TBC1D10C: variants seen among roughly 807,000 people sequenced by gnomAD.
TBC1D10C encodes TBC1 domain family member 10C, also known as carabin.
TBC1D10C carries 49 observed loss-of-function variants against 51.0 expected under a neutral mutation model. The ratio of observed to expected loss-of-function variants is 0.96; its 90% CI spans 0.76 to 1.22. The LOEUF is 1.22. Among genes scored for constraint, TBC1D10C ranks in the 50% most tolerant of loss-of-function variants. The pLI is 0.00. For missense variants in TBC1D10C, 541 were observed against 617.5 expected (o/e 0.88, Z 1.31); for synonymous variants, 281 against 266.7 (o/e 1.05, Z -0.52).
intron 2 of TBC1D10C, 37 bp from the exon 3 acceptor site, chr11:67,405,362 G>A (rs770059205): frequency 1.9e-6 from 3 of 1,601,038 alleles, no homozygotes; most frequent in Non-Finnish European, 1.7e-6. Context: ...CAGGAGCTAT[G>A]GAGGCTGCCT....
In TBC1D10C at chr11:67,409,495, C is replaced by G. The variant is rs747511276; in HGVS notation, c.1082C>G (p.Pro361Arg). ...CTGCCCGATTCCGCGCCGGGACCCC[C>G]GCCCCGGCCACAGGTCCGCCTCGCC... ...AQLPDSAPGP[P>R]PRPQVRLAGA... The change falls in exon 9 of 9, where the codon CCG becomes CGG. Residue 361 changes from proline (P) to arginine (R), a missense_variant. Coordinates refer to ENST00000542590, the MANE Select transcript of TBC1D10C (RefSeq NM_001369496.1). The G allele has an allele frequency of 6.5e-7, 1 of 1,548,488 alleles. No individual in the cohort carries two copies.
intron 1 of TBC1D10C, 100 bp downstream of exon 1, chr11:67,404,454 T>C (rs1162785561): frequency 3.2e-5 from 41 of 1,300,594 alleles, no homozygotes; most frequent in East Asian, 2.1e-4. Flanking sequence ...GTGGTAGGGA[T>C]TGGGAGGGGG....
rs1395705057 is a variant in TBC1D10C at position 67,409,425 on chromosome 11, T to C, written c.1012T>C (p.Ser338Pro). ...CCCACAGGTGCACAGCGTGGTGCTG[T>C]CAGAGCGGGACCTGCAGCGGGAGAT... The part of the protein sequence containing the change: ...FMSQVHSVVL[S>P]ERDLQREIKA... Residue 338 changes from serine to proline, a missense_variant, in exon 9 of 9, where the codon TCA (serine) becomes CCA (proline). Physicochemically the swap from Ser to Pro is moderately conservative, Grantham distance 74 (BLOSUM62 -1). Coordinates refer to ENST00000542590, the MANE Select transcript of TBC1D10C (RefSeq NM_001369496.1). 9.0e-6 allele frequency: 14 copies of C among 1,548,824 alleles called. No individual in the cohort carries two copies. Among genetic ancestry groups the C allele is most frequent in the Non-Finnish European group, 1.2e-5 (14 of 1,146,570 alleles).
chr11:67,408,897 G>T, intron 7 of TBC1D10C, 82 bp from the exon 8 acceptor site: 1 of 1,461,924 alleles, frequency 6.8e-7, no homozygotes, highest in Non-Finnish European at 9.1e-7. Flanking sequence ...AGAGTGGGAG[G>T]CATATGGCTG....
intron 4 of TBC1D10C, 79 bp downstream of exon 4, chr11:67,405,780 T>G: frequency 1.3e-6 from 2 of 1,573,788 alleles, no homozygotes; most frequent in Non-Finnish European, 1.7e-6. Flanking sequence ...AGCCCAGCTC[T>G]ACAGTCTTGC....
chr11:67,407,131 A>G, intron 7 of TBC1D10C, 115 bp downstream of exon 7: 3 of 1,234,146 alleles, frequency 2.4e-6, no homozygotes, highest in Non-Finnish European at 3.4e-6. Flanking sequence ...GGTGTGCCGA[A>G]GGTGATGGCC....
intron 3 of TBC1D10C, 21 bp downstream of exon 3, chr11:67,405,527 C>T: frequency 1.2e-6 from 2 of 1,613,396 alleles, no homozygotes; most frequent in Non-Finnish European, 1.7e-6. Flanking sequence ...GGGCAGGGGC[C>T]CCAATTCCCC....
In TBC1D10C at chr11:67,409,649, C is replaced by T. The variant is rs376647654; in HGVS notation, c.1236C>T (p.Arg412=). 3.6e-4 allele frequency: 576 copies of T among 1,600,794 alleles called. No homozygotes were observed. Among genetic ancestry groups the T allele is most frequent in the Non-Finnish European group, 4.6e-4 (540 of 1,176,604 alleles). Residue 412 remains arginine, a synonymous_variant, in exon 9 of 9, where the codon CGC becomes CGT. Transcript: ENST00000542590. ...PRPPRRKPQT[R]GKTFHGLLTR... The stretch of plus-strand genomic sequence containing the variant: ...CACCGCGGCGGAAACCCCAGACCCG[C>T]GGCAAGACTTTCCATGGGCTCCTGA...
chr11:67,406,036 G>C lies in TBC1D10C; in HGVS notation c.582+19G>C, dbSNP rs1401569968. On this transcript the variant is annotated intron_variant, in intron 5 of 8. Coordinates refer to ENST00000542590, the MANE Select transcript of TBC1D10C (RefSeq NM_001369496.1). ...CCCAGAGGTGAGTGACCTTGACCCT[G>C]CTCTGGGAACCCTAGTGACCTAGGC... The C allele has an allele frequency of 6.5e-6, 10 of 1,533,018 alleles. No homozygotes were observed. Among genetic ancestry groups the C allele is most frequent in the South Asian group, 1.2e-5 (1 of 81,362 alleles). 95.0% of individuals were successfully genotyped at this position (1,533,018 alleles called of 1,614,324 possible). A position where few individuals can be genotyped will look rare whatever the true frequency, so the allele number is the denominator to read the frequency against.
chr11:67,405,925 C>A lies in TBC1D10C; in HGVS notation c.490C>A (p.Leu164Ile). Reference sequence around the variant, plus strand: ...CAGGCAGCAGGGGCTCCTGCAGGTGCTCAAGGCCTACACCCTGTATCGACC... The same window carrying A: ...CAGGCAGCAGGGGCTCCTGCAGGTGATCAAGGCCTACACCCTGTATCGACC... Reference protein sequence around the residue: ...GHGQQGLLQVLKAYTLYRPEQ... With the variant: ...GHGQQGLLQVIKAYTLYRPEQ... Residue 164 changes from leucine to isoleucine, a missense_variant, in exon 5 of 9, where the codon CTC becomes ATC. By Grantham distance (5) the Leu-to-Ile change is conservative. Transcript: ENST00000542590. 1 of 1,600,620 alleles carries A rather than the reference C, an allele frequency of 6.2e-7. No individual in the cohort carries two copies.
In TBC1D10C at chr11:67,408,809, G is replaced by A. The variant is rs556304032; in HGVS notation, c.839-170G>A. On this transcript the variant is annotated intron_variant, in intron 7 of 8. Transcript: ENST00000542590. Reference sequence around the variant, plus strand: ...GTGGCTCTTGAGGCTAACTTGGCCAGTACAGCGGCCTGTGTTACCCGAAAT... The same window carrying A: ...GTGGCTCTTGAGGCTAACTTGGCCAATACAGCGGCCTGTGTTACCCGAAAT... 5 of 840,456 alleles carry A rather than the reference G, an allele frequency of 5.9e-6. No homozygotes were observed. The East Asian group carries it at 1.6e-4, about 27-fold the overall frequency. The allele number at this position is 840,456 out of a possible 1,614,324, so 52.1% of individuals were successfully genotyped here.
intron 5 of TBC1D10C, 45 bp downstream of exon 5, chr11:67,406,062 C>T (rs1360305761): frequency 6.9e-7 from 1 of 1,445,308 alleles, no homozygotes; most frequent in Non-Finnish European, 9.2e-7. Context: ...TGACCTAGGC[C>T]CAGGGAACCC....
chr11:67,404,195 C>T lies in TBC1D10C; in HGVS notation c.-8C>T, dbSNP rs756536846. ...TCTCTGCCTGTGGCATCGAAGGCCCCGGGCACCATGGCCCAGGCCCTGGGG... is the reference window on the plus strand; with the variant it reads ...TCTCTGCCTGTGGCATCGAAGGCCCTGGGCACCATGGCCCAGGCCCTGGGG... On this transcript the variant is annotated 5_prime_UTR_variant, in exon 1 of 9. Coordinates refer to ENST00000542590, the MANE Select transcript of TBC1D10C (RefSeq NM_001369496.1). 57 of 1,519,336 alleles carry T rather than the reference C, an allele frequency of 3.8e-5. No individual in the cohort carries two copies. Among genetic ancestry groups the T allele is most frequent in the African/African-American group, 1.7e-4 (12 of 70,432 alleles). 94.1% of individuals were successfully genotyped at this position (1,519,336 alleles called of 1,614,324 possible). A position where few individuals can be genotyped will look rare whatever the true frequency, so the allele number is the denominator to read the frequency against.
chr11:67,404,893 C>A (rs1260883375), intron 1 of TBC1D10C, 192 bp from the exon 2 acceptor site: 7 of 579,198 alleles, frequency 1.2e-5, no homozygotes, highest in Non-Finnish European at 2.1e-5. Flanking sequence ...CTGCTTCTGC[C>A]CACGTCGGAG....
Position 67,406,683 on chromosome 11 carries a change from G to T in TBC1D10C, c.639G>T (p.Gly213=). The part of the protein sequence containing the change: ...ICEVYLPGYY[G]PHMEAVRLDA... ...AGGTCTACCTCCCTGGGTACTACGG[G>T]CCCCACATGGTGAGAGGCTGACATG... Residue 213 remains glycine, a synonymous_variant, in exon 6 of 9, where the codon GGG becomes GGT. Coordinates refer to ENST00000542590, the MANE Select transcript of TBC1D10C (RefSeq NM_001369496.1). 1 of 1,577,114 alleles carries T rather than the reference G, an allele frequency of 6.3e-7. No homozygotes were observed. Among genetic ancestry groups the T allele is most frequent in the Non-Finnish European group, 8.6e-7 (1 of 1,160,918 alleles).
At chr11:67,405,043 A>G in intron 1 of TBC1D10C, 42 bp from the exon 2 acceptor site, 1 of 1,526,626 alleles carries the variant, frequency 6.6e-7, no homozygotes, top group Non-Finnish European at 8.8e-7. Flanking sequence ...GCCTTGGGTA[A>G]CAGCTGCCCA....
chr11:67,407,350 C>T (rs908118787), intron 7 of TBC1D10C: 9 of 285,324 alleles, frequency 3.2e-5, no homozygotes, highest in Middle Eastern at 9.8e-4. Flanking sequence ...AGACGTGGAT[C>T]TGCAGCTGGG....
chr11:67,405,872 G>C, intron 4 of TBC1D10C, 31 bp from the exon 5 acceptor site: 1 of 1,566,826 alleles, frequency 6.4e-7, no homozygotes, highest in Non-Finnish European at 8.6e-7. Context: ...GTGCCTGCAG[G>C]ACTGGCCCCT....
chr11:67,404,066 G>A (rs1863038168), upstream of TBC1D10C: 1 of 1,110,208 alleles, frequency 9.0e-7, no homozygotes, highest in East Asian at 3.0e-5. Flanking sequence ...TAAAAGAGGA[G>A]ACATAGGGGG....
Sources: gnomAD v4.1 joint callset for allele counts on GRCh38, gnomAD v4.1.1 for gene constraint, MANE v1.5 for transcripts, NCBI Gene and HGNC (gene_info 2026-07-23, HGNC 2026-07-21) for gene names.